The following GRAMD2B variants were observed in gnomAD, a reference collection of about 807,000 sequenced individuals.
GRAMD2B encodes the protein GRAM domain containing 2B.
In GRAMD2B, 41 loss-of-function variants were observed where a neutral mutation model predicts 59.2. The observed-to-expected ratio is 0.69, with a 90% CI of 0.54 to 0.90. The LOEUF (loss-of-function observed/expected upper bound fraction) is 0.90, where lower values mean the gene tolerates loss of function less well. Among genes scored for constraint, GRAMD2B ranks in the 40% least tolerant of loss-of-function variants. The pLI, the probability that GRAMD2B is intolerant of heterozygous loss-of-function variation, is 0.00. For missense variants in GRAMD2B, 424 were observed against 500.5 expected, an observed-to-expected ratio of 0.85 and a Z score of 1.46; for synonymous variants, 161 against 182.7, an observed-to-expected ratio of 0.88 and a Z score of 0.96.
At chr5:126,379,540 C>T (rs1216857761) in intron 1 of GRAMD2B, among the ~76,000 whole-genome samples, 4 of 152,054 alleles carry the variant, frequency 2.6e-5, no homozygotes, top group Non-Finnish European at 4.4e-5. Flanking sequence ...AAAGTGTTCC[C>T]TTTTCACCAC....
chr5:126,373,156 C>T (rs1754908716), intron 1 of GRAMD2B, among the ~76,000 whole-genome samples: 1 of 151,540 alleles, frequency 6.6e-6, no homozygotes, highest in South Asian at 2.1e-4. Flanking sequence ...GTATTAGAAC[C>T]GACCTAAAAA....
At chr5:126,365,552 G>A (rs776367097) in intron 1 of GRAMD2B, among the ~76,000 whole-genome samples, 2 of 152,130 alleles carry the variant, frequency 1.3e-5, no homozygotes, top group African/African-American at 2.4e-5. Flanking sequence ...TGTTTACAGC[G>A]GTGTAAGGGA....
At chr5:126,402,252 G>A (rs1757902781) in intron 1 of GRAMD2B, among the ~76,000 whole-genome samples, 1 of 152,014 alleles carries the variant, frequency 6.6e-6, no homozygotes, top group African/African-American at 2.4e-5. Flanking sequence ...CCCACCCTAA[G>A]TGGAAAAAGG....
chr5:126,366,722 C>T (rs141254400), upstream of GRAMD2B, among the ~76,000 whole-genome samples: 37 of 152,184 alleles, frequency 2.4e-4, no homozygotes, highest in East Asian at 6.2e-3. Context: ...TGAAATCAAA[C>T]AGCCAACCAC....
rs770605462 is a variant in GRAMD2B, at chr5:126,480,678, C to T, written c.706C>T (p.Arg236Ter). The change falls in exon 8 of 14, where the codon CGA (arginine) becomes TGA (stop). Residue 236 changes from arginine (R) to a stop codon, truncating the protein, a stop_gained. Coordinates refer to ENST00000285689, the MANE Select transcript of GRAMD2B (RefSeq NM_023927.4). LOFTEE classifies it high-confidence loss of function. ...TCCATCTTCTGCTGAAAACAGTTTC[C>T]GAGCAGACCGCCCTTCATCTCTGCC... ...PNPSSAENSF[R>*]ADRPSSLPLD... 9 of 1,613,996 alleles carry T rather than the reference C, an allele frequency of 5.6e-6. No individual in the cohort carries two copies. The highest frequency in any genetic ancestry group is 1.3e-5 in the African/African-American group (1 of 74,926).
At chr5:126,409,066 CA>C (rs1758524826) in intron 1 of GRAMD2B, among the ~76,000 whole-genome samples, 1 of 151,790 alleles carries the variant, frequency 6.6e-6, no homozygotes. Context: ...ATATGTGCCA[CA>C]TTTTCTTAAT....
upstream of GRAMD2B, among the ~76,000 whole-genome samples, chr5:126,367,963 A>G (rs1450070025): frequency 6.6e-6 from 1 of 152,034 alleles, no homozygotes; most frequent in African/African-American, 2.4e-5. Flanking sequence ...GTGTTAGCCA[A>G]GATGGTTTCG....
intron 1 of GRAMD2B, among the ~76,000 whole-genome samples, chr5:126,455,489 C>A (rs757644025): frequency 6.6e-6 from 1 of 152,034 alleles, no homozygotes; most frequent in Non-Finnish European, 1.5e-5. Context: ...GCATATTGTG[C>A]TTCTGCCTTT....
chr5:126,457,169 G>T (rs1272539575), intron 1 of GRAMD2B, among the ~76,000 whole-genome samples: 1 of 139,724 alleles, frequency 7.2e-6, no homozygotes, highest in African/African-American at 2.8e-5. Flanking sequence ...TCCAGCAGAG[G>T]CGACAGTGCG....
At chr5:126,428,810 G>A (rs4288110) in intron 1 of GRAMD2B, among the ~76,000 whole-genome samples, 72,307 of 151,964 alleles carry the variant, frequency 0.48, 17,443 homozygotes, top group East Asian at 0.72. Flanking sequence ...AATCATTAGC[G>A]AAACGCAAAT....
At chr5:126,463,310 T>G (rs1055439085) in intron 1 of GRAMD2B, among the ~76,000 whole-genome samples, 1 of 152,180 alleles carries the variant, frequency 6.6e-6, no homozygotes, top group Non-Finnish European at 1.5e-5. Context: ...ATTATTGAAG[T>G]TCTATACCCA....
intron 1 of GRAMD2B, among the ~76,000 whole-genome samples, chr5:126,436,687 T>G (rs1487795310): frequency 1.3e-5 from 2 of 152,186 alleles, no homozygotes; most frequent in African/African-American, 2.4e-5. Flanking sequence ...TCACTATAAT[T>G]TGAGCAATGT....
chr5:126,392,755 T>C (rs371821007), intron 1 of GRAMD2B, among the ~76,000 whole-genome samples: 67 of 152,214 alleles, frequency 4.4e-4, no homozygotes, highest in African/African-American at 1.5e-3. Flanking sequence ...GGTTTCATGA[T>C]AAAACTGTTC....
intron 1 of GRAMD2B, among the ~76,000 whole-genome samples, chr5:126,400,060 AT>A (rs568443074): frequency 0.014 from 2,033 of 145,102 alleles, 31 homozygotes; most frequent in African/African-American, 0.042. Flanking sequence ...TTGTGATTTG[AT>A]TTTTTTTTTT....
intron 1 of GRAMD2B, among the ~76,000 whole-genome samples, chr5:126,435,469 C>T (rs1367747002): frequency 1.3e-5 from 2 of 152,048 alleles, no homozygotes; most frequent in Non-Finnish European, 1.5e-5. Context: ...TGGCAGGACT[C>T]GCAGGGAGAG....
chr5:126,404,197 A>G (rs1433887478), intron 1 of GRAMD2B, among the ~76,000 whole-genome samples: 1 of 151,966 alleles, frequency 6.6e-6, no homozygotes, highest in East Asian at 1.9e-4. Flanking sequence ...AACACAACCC[A>G]AGGAAATGAA....
rs1218497657 is a variant in GRAMD2B, at chr5:126,486,963, C to T, written c.1149C>T (p.Asp383=). 1.3e-6 allele frequency: 2 copies of T among 1,582,580 alleles called. No individual in the cohort carries two copies. The highest frequency in any genetic ancestry group is 4.5e-5 in the East Asian group (2 of 44,690). The change falls in exon 12 of 14, where the codon GAC becomes GAT. Residue 383 remains aspartate, a synonymous_variant. Transcript: ENST00000285689. ...TGGGGTTACTAACCTCCATTGTGGA[C>T]ACCCATAATACTGAGTAAGACGATT... ...EQLGLLTSIV[D]THNTEQAAPS...
chr5:126,368,001 T>A (rs1272171033), upstream of GRAMD2B, among the ~76,000 whole-genome samples: 1 of 152,238 alleles, frequency 6.6e-6, no homozygotes, highest in Non-Finnish European at 1.5e-5. Flanking sequence ...TCTGCCCGCG[T>A]CGGCCTCCCA....
In GRAMD2B at chr5:126,409,612, C is replaced by G. The variant is rs183396116; in HGVS notation, c.125+38045C>G. ...AGCCCTTTGTCAGATGAGTAGGTTG[C>G]GAAAATTTTCTCCCATTTTGTAGGT... On this transcript the variant is annotated intron_variant, in intron 1 of 8. Transcript: ENST00000506445. 1.0e-2 allele frequency among the ~76,000 whole-genome samples: 1,519 copies of G among 152,048 alleles called. 21 individuals carry two copies. Among genetic ancestry groups the G allele is most frequent in the African/African-American group, 0.035 (1,442 of 41,458 alleles).
Sources: gnomAD v4.1 joint callset for allele counts (sites outside exome capture counted in the v4.1 genomes callset) on GRCh38, gnomAD v4.1.1 for gene constraint, MANE v1.5 for transcripts, NCBI Gene and HGNC (gene_info 2026-07-23, HGNC 2026-07-21) for gene names.